Variants in INPP5K observed in about 807,000 individuals in gnomAD.
INPP5K encodes the protein inositol polyphosphate 5-phosphatase K.
A neutral mutation model predicts 53.5 loss-of-function variants in INPP5K; 35 were observed. That is an observed-to-expected ratio of 0.65 (90% CI 0.50 to 0.87). INPP5K has a LOEUF of 0.87. Ranked by LOEUF, INPP5K falls within the 40% of genes least tolerant of loss-of-function variation. The probability of loss-of-function intolerance (pLI) is 0.00; values close to 1 mark genes in which losing one functional copy is unlikely to be tolerated. For synonymous variants in INPP5K, 253 were observed against 232.8 expected, an observed-to-expected ratio of 1.09 and a Z score of -0.79; for missense variants, 550 against 586.2, an observed-to-expected ratio of 0.94 and a Z score of 0.64.
rs80324160 is a variant in INPP5K, at chr17:1,508,413, C to T, written c.555-187G>A. 4,643 of 587,274 alleles carry T rather than the reference C, an allele frequency of 7.9e-3. 209 individuals are homozygous for T. The highest frequency in any genetic ancestry group is 0.077 in the African/African-American group (4,122 of 53,442). 36.4% of individuals were successfully genotyped at this position (587,274 alleles called of 1,614,324 possible). ...ATGGCTCCTAAACCACCATTCAAAC[C>T]GGAGAGACCTACCAAAGAGCCTGCT... On this transcript the variant is annotated intron_variant, in intron 5 of 11. Transcript: ENST00000421807.
At chr17:1,514,109 G>GA in intron 1 of INPP5K, 130 bp from the exon 2 acceptor site, 2 of 497,472 alleles carry the variant, frequency 4.0e-6, no homozygotes, top group Non-Finnish European at 3.6e-6. Context: ...GATCACCTGA[G>GA]GTCGGGAGTT....
At position 1,507,070 on chromosome 17, in the gene INPP5K, T is replaced by C. The variant is rs752704258; in HGVS notation, c.686A>G (p.His229Arg). 2.5e-6 allele frequency: 4 copies of C among 1,614,022 alleles called. No individual in the cohort carries two copies. The highest frequency in any genetic ancestry group is 2.5e-6 in the Non-Finnish European group (3 of 1,179,970). Residue 229 changes from histidine (H) to arginine (R), a missense_variant, in exon 7 of 12, where the codon CAT (histidine) becomes CGT (arginine). Physicochemically the swap from His to Arg is conservative, Grantham distance 29 (BLOSUM62 0). Coordinates refer to ENST00000421807, the MANE Select transcript of INPP5K (RefSeq NM_016532.4). ...EKDQLSIAKK[H>R]DPLLREFQEG... is the part of the protein sequence containing the mutation. ...CTGGAACTCCCGGAGCAGCGGGTCA[T>C]GTTTCTTGGCAATGCTGAGCTGCAG...
intron 7 of INPP5K, among the ~76,000 whole-genome samples, chr17:1,505,475 C>T (rs1300035685): frequency 3.9e-5 from 6 of 151,976 alleles, no homozygotes; most frequent in Non-Finnish European, 7.4e-5. Context: ...TGATCTGGGC[C>T]GGCCATCCTG....
chr17:1,497,084 G>C, intron 8 of INPP5K, among the ~76,000 whole-genome samples: 1 of 152,230 alleles, frequency 6.6e-6, no homozygotes, highest in South Asian at 2.1e-4. Context: ...GAGGCTTAAG[G>C]AGGCGGCCAG....
intron 1 of INPP5K, chr17:1,516,198 C>A: frequency 9.9e-7 from 1 of 1,006,146 alleles, no homozygotes. Context: ...TCAAACAACC[C>A]CACACGGCTG....
intron 1 of INPP5K, chr17:1,516,048 G>A (rs1268269307): frequency 1.9e-6 from 2 of 1,056,470 alleles, no homozygotes; most frequent in Non-Finnish European, 2.3e-6. Context: ...TTCCCTAAAG[G>A]ATCTTATCTC....
intron 7 of INPP5K, among the ~76,000 whole-genome samples, chr17:1,504,709 A>T (rs1209406836): frequency 6.6e-6 from 1 of 152,270 alleles, no homozygotes; most frequent in Non-Finnish European, 1.5e-5. Context: ...AGGACATGGT[A>T]GGAACTGATA....
In INPP5K at chr17:1,516,110, A is replaced by C. The variant is rs1287881058; in HGVS notation, c.44+346T>G. 3.3e-6 allele frequency: 4 copies of C among 1,216,938 alleles called. No individual in the cohort carries two copies. In the African/African-American group the frequency reaches 6.4e-5, roughly 20 times the overall value. The allele number at this position is 1,216,938 out of a possible 1,614,324, so 75.4% of individuals were successfully genotyped here. A position where few individuals can be genotyped will look rare whatever the true frequency, so the allele number is the denominator to read the frequency against. On this transcript the variant is annotated intron_variant, in intron 1 of 11. Transcript: ENST00000421807. ...ACCATGGGATCAGGCAGACCTCCTG[A>C]TGTATGTGCTGATGAAAAGTAGGAA...
chr17:1,508,781 GC>G (rs2075227838), intron 5 of INPP5K, among the ~76,000 whole-genome samples: 1 of 127,082 alleles, frequency 7.9e-6, no homozygotes, highest in African/African-American at 2.8e-5. Flanking sequence ...CTCACTCGTG[GC>G]GGTCAGCTGG....
Position 1,507,079 on chromosome 17 carries a change from G to C in INPP5K, c.677C>G (p.Ala226Gly). 1 of 1,613,790 alleles carries C rather than the reference G, an allele frequency of 6.2e-7. No individual in the cohort carries two copies. The change falls in exon 7 of 12, where the codon GCC becomes GGC. Residue 226 changes from alanine (A) to glycine (G), a missense_variant. Coordinates refer to ENST00000421807, the MANE Select transcript of INPP5K (RefSeq NM_016532.4). ...CCGGAGCAGCGGGTCATGTTTCTTG[G>C]CAATGCTGAGCTGCAGACAAAGTCA... Reference protein sequence around the residue: ...GLWEKDQLSIAKKHDPLLREF... With the variant: ...GLWEKDQLSIGKKHDPLLREF...
chr17:1,513,846 G>T, intron 2 of INPP5K, 26 bp downstream of exon 2: 1 of 1,533,872 alleles, frequency 6.5e-7, no homozygotes, highest in Non-Finnish European at 9.0e-7. Flanking sequence ...GGTCAGGGAT[G>T]GGCGAAGGAG....
chr17:1,505,353 T>C (rs1425529760), intron 7 of INPP5K, among the ~76,000 whole-genome samples: 2 of 152,140 alleles, frequency 1.3e-5, no homozygotes, highest in African/African-American at 4.8e-5. Context: ...CTTGAACTCC[T>C]GGCTTCAAGC....
Position 1,507,063 on chromosome 17 carries a change from C to G in INPP5K, c.693G>C (p.Pro231=). 1 of 1,613,976 alleles carries G rather than the reference C, an allele frequency of 6.2e-7. No individual in the cohort carries two copies. Among genetic ancestry groups the G allele is most frequent in the Non-Finnish European group, 8.5e-7 (1 of 1,179,964 alleles). Residue 231 remains proline, a synonymous_variant, in exon 7 of 12, where the codon CCG becomes CCC. Coordinates refer to ENST00000421807, the MANE Select transcript of INPP5K (RefSeq NM_016532.4). Reference sequence around the variant, plus strand: ...GGCCCTCCTGGAACTCCCGGAGCAGCGGGTCATGTTTCTTGGCAATGCTGA... The same window carrying G: ...GGCCCTCCTGGAACTCCCGGAGCAGGGGGTCATGTTTCTTGGCAATGCTGA... ...DQLSIAKKHD[P]LLREFQEGRL...
intron 7 of INPP5K, among the ~76,000 whole-genome samples, chr17:1,501,991 CATT>C: frequency 6.7e-6 from 1 of 150,348 alleles, no homozygotes; most frequent in East Asian, 2.0e-4. Flanking sequence ...GCCAAGATTG[CATT>C]GTTGCATTCC....
rs138972043 is a variant in INPP5K at position 1,496,091 on chromosome 17, C to T, written c.1259G>A (p.Arg420His). 5.6e-6 allele frequency: 9 copies of T among 1,612,556 alleles called. No individual in the cohort carries two copies. Among genetic ancestry groups the T allele is most frequent in the Middle Eastern group, 1.7e-4 (1 of 6,060 alleles). ...FLLCYYSNSL[R>H]SVVGISRPFQ... ...GGGTCTGCTTATCCCCACCACAGAA[C>T]GCAGACTGTTGCTGTAGTAACAGAG... Residue 420 changes from arginine to histidine, a missense_variant, in exon 11 of 12, where the codon CGT (arginine) becomes CAT (histidine). By Grantham distance (29) the Arg-to-His change is conservative. Transcript: ENST00000421807.
At chr17:1,503,560 C>CA (rs1390042887) in intron 7 of INPP5K, among the ~76,000 whole-genome samples, 2 of 151,226 alleles carry the variant, frequency 1.3e-5, no homozygotes, top group Non-Finnish European at 2.9e-5. Flanking sequence ...ACTAAAAATA[C>CA]AAAAAATTAG....
In INPP5K at chr17:1,513,523, GA is replaced by G. The variant is rs1307702822; in HGVS notation, c.190del (p.Ser64ProfsTer20). The G allele has an allele frequency of 1.2e-6, 2 of 1,614,138 alleles. No individual in the cohort carries two copies. The highest frequency in any genetic ancestry group is 1.7e-6 in the Non-Finnish European group (2 of 1,180,050). ...CCACGAGTCATTAAAGGCAGCATCG[GA>G]AAGGAGGCTTATGATCCCAGAGTTC... ...ELNSGIISLL[S>X]DAAFNDSWSS... On this transcript the variant is annotated frameshift_variant, in exon 3 of 12. Coordinates refer to ENST00000421807, the MANE Select transcript of INPP5K (RefSeq NM_016532.4). LOFTEE classifies it high-confidence loss of function.
At chr17:1,516,195 A>AC in intron 1 of INPP5K, 2 of 1,007,764 alleles carry the variant, frequency 2.0e-6, no homozygotes, top group Non-Finnish European at 2.7e-6. Context: ...ACCTCAAACA[A>AC]CCCCACACGG....
intron 1 of INPP5K, chr17:1,515,737 T>G: frequency 6.6e-6 from 4 of 609,318 alleles, no homozygotes; most frequent in Non-Finnish European, 8.2e-6. Flanking sequence ...TGTCCCTCCC[T>G]GTTAGCATAA....
Sources: allele counts gnomAD v4.1 joint callset (sites outside exome capture counted in the v4.1 genomes callset), GRCh38; gene constraint gnomAD v4.1.1; transcripts MANE v1.5; gene names NCBI Gene and HGNC (gene_info 2026-07-23, HGNC 2026-07-21).